RORA: variants seen among roughly 807,000 people sequenced by gnomAD.
The protein encoded by RORA is RAR related orphan receptor A, also known as nuclear receptor ROR-alpha.
RORA carries 7 observed loss-of-function variants against 69.5 expected under a neutral mutation model. The ratio of observed to expected loss-of-function variants is 0.10; its 90% CI spans 0.06 to 0.19. The LOEUF is 0.19. Ranked by LOEUF, RORA falls within the 10% of genes least tolerant of loss-of-function variation. RORA has a pLI of 1.00. For synonymous variants in RORA, 261 were observed against 240.8 expected, an observed-to-expected ratio of 1.08 and a Z score of -0.78; for missense variants, 457 against 663.0, an observed-to-expected ratio of 0.69 and a Z score of 3.41.
chr15:60,954,648 C>T (rs1168766411), intron 1 of RORA, among the ~76,000 whole-genome samples: 2 of 152,146 alleles, frequency 1.3e-5, no homozygotes, highest in Non-Finnish European at 2.9e-5. Flanking sequence ...CCAAAAACTT[C>T]AAGGGCAAAT....
In RORA at chr15:60,497,377, A is replaced by G. The variant is rs2065193922; in HGVS notation, c.*78T>C. The G allele has an allele frequency of 7.5e-7, 1 of 1,338,452 alleles. No homozygotes were observed. Among genetic ancestry groups the G allele is most frequent in the Non-Finnish European group, 1.1e-6 (1 of 946,798 alleles). 82.9% of individuals were successfully genotyped at this position (1,338,452 alleles called of 1,614,324 possible). Reference sequence around the variant, plus strand: ...GCTCCAGGTCTGTGCAGGGCCATATAAAGTGTCTCGGTTAATTTTTTTGTT... The same window carrying G: ...GCTCCAGGTCTGTGCAGGGCCATATGAAGTGTCTCGGTTAATTTTTTTGTT... On this transcript the variant is annotated 3_prime_UTR_variant, in exon 11 of 11. Transcript: ENST00000335670.
rs199719960 is a variant in RORA at position 61,229,158 on chromosome 15, C to T, written c.61G>A (p.Asp21Asn). 5.7e-5 allele frequency: 89 copies of T among 1,547,932 alleles called. No individual in the cohort carries two copies. The African/African-American group carries it at 9.7e-4, about 17-fold the overall frequency. ...AASEPGSSGADAAAGSRETPL... is the reference protein window; with the variant it reads ...AASEPGSSGANAAAGSRETPL... ...GTCTCCCTGGAGCCGGCGGCCGCGT[C>T]CGCGCCGCTGCTGCCTGGCTCGCTG... Residue 21 changes from aspartate (D) to asparagine (N), a missense_variant, in exon 1 of 11, where the codon GAC becomes AAC. By Grantham distance (23) the Asp-to-Asn change is conservative. This residue lies in a region of RORA where 119 missense variants were observed against 92.4 expected (regional missense o/e 1.29). Coordinates refer to ENST00000335670, the MANE Select transcript of RORA (RefSeq NM_134261.3).
At position 60,579,064 on chromosome 15, in the gene RORA, GTT is replaced by G. The variant is rs869076097; in HGVS notation, c.197-47215_197-47214del. Among the ~76,000 whole-genome samples the G allele has an allele frequency of 9.7e-3, 1,253 of 129,646 alleles. 23 individuals are homozygous for G. The highest frequency in any genetic ancestry group is 0.034 in the African/African-American group (1,147 of 34,132). 85.1% of individuals were successfully genotyped at this position (129,646 alleles called of 152,430 possible). On this transcript the variant is annotated intron_variant, in intron 2 of 10. Coordinates refer to ENST00000335670, the MANE Select transcript of RORA (RefSeq NM_134261.3). ...TTACAGGTGTGAGCCACCGCGCCCG[GTT>G]TTTTTTTTTTTTTTTTTTTTAACAG...
intron 2 of RORA, among the ~76,000 whole-genome samples, chr15:60,614,459 G>T (rs2069176218): frequency 6.6e-6 from 1 of 152,166 alleles, no homozygotes; most frequent in African/African-American, 2.4e-5. Context: ...AGAGCATTAA[G>T]GTTGATTCTT....
At chr15:61,114,734 T>C (rs2079035178) in intron 1 of RORA, among the ~76,000 whole-genome samples, 3 of 152,198 alleles carry the variant, frequency 2.0e-5, no homozygotes, top group Admixed American at 2.0e-4. Flanking sequence ...GTTATCCCTA[T>C]ACTTTGTTCT....
intron 3 of RORA, among the ~76,000 whole-genome samples, chr15:60,518,362 C>T (rs1455976224): frequency 3.3e-5 from 5 of 151,862 alleles, no homozygotes; most frequent in Non-Finnish European, 7.3e-5. Context: ...GCTTTAAGGG[C>T]ATGAGGATGA....
chr15:61,205,486 C>A (rs2079932815), intron 1 of RORA, among the ~76,000 whole-genome samples: 1 of 152,188 alleles, frequency 6.6e-6, no homozygotes, highest in Non-Finnish European at 1.5e-5. Flanking sequence ...ATTCCTCCAG[C>A]AAGATCAGAG....
At chr15:60,740,677 G>C (rs1404977671) in intron 1 of RORA, among the ~76,000 whole-genome samples, 1 of 152,200 alleles carries the variant, frequency 6.6e-6, no homozygotes, top group East Asian at 1.9e-4. Flanking sequence ...AAAAATCTCA[G>C]TGGCACTCTG....
intron 2 of RORA, chr15:60,592,340 C>A: frequency 7.4e-7 from 1 of 1,346,624 alleles, no homozygotes; most frequent in African/African-American, 1.5e-5. Context: ...CTCCCCGCCC[C>A]CCGGAGCCGC....
intron 1 of RORA, among the ~76,000 whole-genome samples, chr15:61,049,174 A>C (rs573102805): frequency 6.6e-6 from 1 of 152,326 alleles, no homozygotes; most frequent in East Asian, 1.9e-4. Flanking sequence ...AAAAGCAATT[A>C]CATGTTTCAG....
chr15:60,581,565 T>G (rs1359978417), intron 2 of RORA, among the ~76,000 whole-genome samples: 2 of 152,182 alleles, frequency 1.3e-5, no homozygotes, highest in East Asian at 3.8e-4. Context: ...GGTATGCAAA[T>G]CTTTAAAGAT....
At chr15:60,902,293 T>TTA (rs576570622) in intron 1 of RORA, among the ~76,000 whole-genome samples, 8 of 151,384 alleles carry the variant, frequency 5.3e-5, no homozygotes, top group Admixed American at 2.6e-4. Context: ...TTTTTTTTTT[T>TTA]AAAAAACAGA....
chr15:60,794,883 C>T (rs539782414), intron 1 of RORA, among the ~76,000 whole-genome samples: 3 of 152,256 alleles, frequency 2.0e-5, no homozygotes, highest in South Asian at 4.1e-4. Context: ...TGGAGTTCTG[C>T]CTGTCCACTT....
intron 1 of RORA, among the ~76,000 whole-genome samples, chr15:60,707,710 C>T (rs1321804078): frequency 1.3e-5 from 2 of 152,116 alleles, no homozygotes; most frequent in Non-Finnish European, 2.9e-5. Context: ...TTAAGTCCAC[C>T]CACTGACATA....
intron 2 of RORA, among the ~76,000 whole-genome samples, chr15:60,632,034 C>A (rs887690879): frequency 6.6e-6 from 1 of 152,048 alleles, no homozygotes; most frequent in Non-Finnish European, 1.5e-5. Context: ...AACTAGAAAG[C>A]CCCAAGAGAA....
At chr15:60,986,220 A>G (rs12101978) in intron 1 of RORA, among the ~76,000 whole-genome samples, 33,415 of 149,708 alleles carry the variant, frequency 0.22, 3,862 homozygotes, top group African/African-American at 0.28. Context: ...TGCAACCTCC[A>G]CCTTCTAGGT....
At chr15:60,512,351 A>T (rs891922862) in intron 4 of RORA, among the ~76,000 whole-genome samples, 2 of 152,172 alleles carry the variant, frequency 1.3e-5, no homozygotes, top group African/African-American at 2.4e-5. Flanking sequence ...AGTGATGTGA[A>T]CATGGCTCAC....
At chr15:60,984,128 TAC>T (rs112180072) in intron 1 of RORA, among the ~76,000 whole-genome samples, 5,786 of 152,244 alleles carry the variant, frequency 0.038, 151 homozygotes, top group East Asian at 0.11. Context: ...GAAGAACAAT[TAC>T]AGAGTTTCTC....
chr15:60,750,287 A>G (rs150864413), intron 1 of RORA, among the ~76,000 whole-genome samples: 176 of 152,352 alleles, frequency 1.2e-3, no homozygotes, highest in African/African-American at 4.1e-3. Flanking sequence ...CTCACTCTCC[A>G]CCATGCCACT....
Sources: allele counts gnomAD v4.1 joint callset (sites outside exome capture counted in the v4.1 genomes callset), GRCh38; gene constraint gnomAD v4.1.1; regional missense constraint gnomAD v4.1.1; transcripts MANE v1.5; gene names NCBI Gene and HGNC (gene_info 2026-07-23, HGNC 2026-07-21).